Variants in DMD observed in about 807,000 individuals in gnomAD.
The protein encoded by DMD is dystrophin.
Under a neutral mutation model 330.1 loss-of-function variants are expected in DMD, and 63 were observed. That is an observed-to-expected ratio of 0.19 (90% confidence interval 0.16 to 0.24). DMD has a LOEUF of 0.24. Among genes scored for constraint, DMD ranks in the 10% least tolerant of loss-of-function variants. DMD has a pLI of 1.00. For synonymous variants in DMD, 1,223 were observed against 959.8 expected (o/e 1.27, Z -5.07); for missense variants, 3,344 against 2,684.1 (o/e 1.25, Z -5.43).
At chrX:32,232,857 T>A (rs189818015) in intron 43 of DMD, among the ~76,000 whole-genome samples, 2 of 111,671 alleles carry the variant, frequency 1.8e-5, no homozygotes, top group Non-Finnish European at 3.8e-5. Flanking sequence ...CAAGTAAATA[T>A]AGCTGCCGTA....
chrX:32,368,546 G>A (rs1255777011), intron 34 of DMD, among the ~76,000 whole-genome samples: 5 of 111,582 alleles, frequency 4.5e-5, no homozygotes, highest in Admixed American at 9.6e-5. Flanking sequence ...GGTTGTTGAC[G>A]AACCATTTTC....
chrX:32,053,365 T>A (rs1207900841), intron 44 of DMD, among the ~76,000 whole-genome samples: 2 of 50,974 alleles, frequency 3.9e-5, no homozygotes, highest in Non-Finnish European at 6.5e-5. Flanking sequence ...TTTCCTATAC[T>A]TCTTTTTATC....
intron 1 of DMD, among the ~76,000 whole-genome samples, chrX:33,158,974 A>G (rs1268401648): frequency 8.9e-6 from 1 of 111,838 alleles, no homozygotes; most frequent in Non-Finnish European, 1.9e-5. Flanking sequence ...CAATATTTTT[A>G]AACACCGAAG....
Position 32,468,621 on chromosome X carries a change from T to G in DMD, c.3039A>C (p.Glu1013Asp). Reference protein sequence around the residue: ...VKEMSKKAPSEISRKYQSEFE... With the variant: ...VKEMSKKAPSDISRKYQSEFE... Reference sequence around the variant, plus strand: ...ATTCTGATTGATATTTCCGGCTAATTTCAGAGGGCGCTTTCTTCGACATCT... The same window carrying G: ...ATTCTGATTGATATTTCCGGCTAATGTCAGAGGGCGCTTTCTTCGACATCT... Residue 1013 changes from glutamate to aspartate, a missense_variant, in exon 23 of 79, where the codon GAA (glutamate) becomes GAC (aspartate). Coordinates refer to ENST00000357033, the MANE Select transcript of DMD (RefSeq NM_004006.3). 1.7e-6 allele frequency: 2 copies of G among 1,211,197 alleles called. No homozygotes were observed. The highest frequency in any genetic ancestry group is 2.2e-6 in the Non-Finnish European group (2 of 895,230).
rs6151283 is a variant in DMD at position 32,831,649 on chromosome X, CGTGTGTGTGTGT to C, written c.265-8274_265-8263del. On this transcript the variant is annotated intron_variant, in intron 4 of 78. Transcript: ENST00000357033. The stretch of plus-strand genomic sequence containing the variant: ...GAGTTACATTCCTGTAAGATATTTA[CGTGTGTGTGTGT>C]GTGTGTGTGTGTGTGTGTGTGTGTG... Among the ~76,000 whole-genome samples the C allele has an allele frequency of 8.3e-3, 741 of 89,753 alleles. 6 individuals are homozygous for C. The highest frequency in any genetic ancestry group is 0.018 in the Middle Eastern group (3 of 166). 77.9% of individuals were successfully genotyped at this position (89,753 alleles called of 115,157 possible).
chrX:32,658,023 A>T (rs1464428765), intron 9 of DMD, among the ~76,000 whole-genome samples: 2 of 111,816 alleles, frequency 1.8e-5, no homozygotes, highest in Non-Finnish European at 3.8e-5. Context: ...ATTATTTCAA[A>T]TTGACATATA....
intron 1 of DMD, among the ~76,000 whole-genome samples, chrX:33,187,308 C>A (rs1204688854): frequency 8.9e-6 from 1 of 112,264 alleles, no homozygotes; most frequent in South Asian, 3.7e-4. Flanking sequence ...ACATTTCTTG[C>A]CATTCAAGGG....
intron 44 of DMD, among the ~76,000 whole-genome samples, chrX:32,036,716 G>A (rs923853290): frequency 9.0e-5 from 10 of 111,663 alleles, no homozygotes; most frequent in African/African-American, 2.3e-4. Flanking sequence ...TGGTAATTGC[G>A]TTCAAAGACA....
In DMD at chrX:31,630,116, T is replaced by C. The variant is rs1409624914; in HGVS notation, c.8028-2254A>G. 2.7e-5 allele frequency among the ~76,000 whole-genome samples: 3 copies of C among 111,878 alleles called. No homozygotes were observed. In the Admixed American group the frequency reaches 2.9e-4, roughly 11 times the overall value. ...ACCCTCTGCTTCCAGAGAAAGTAAC[T>C]AGTAAATAACTTTCCAAGAGTTATT... On this transcript the variant is annotated intron_variant, in intron 54 of 78. Coordinates refer to ENST00000357033, the MANE Select transcript of DMD (RefSeq NM_004006.3).
chrX:32,732,122 C>A (rs1185501240), intron 7 of DMD, among the ~76,000 whole-genome samples: 1 of 111,474 alleles, frequency 9.0e-6, no homozygotes, highest in East Asian at 2.8e-4. Flanking sequence ...AATGCAGAAG[C>A]CTCAGGAGCC....
rs186611840 is a variant in DMD at position 31,449,216 on chromosome X, G to A, written c.8938-4589C>T. 3.0e-3 allele frequency among the ~76,000 whole-genome samples: 337 copies of A among 111,401 alleles called. 2 individuals are homozygous for A. The highest frequency in any genetic ancestry group is 0.011 in the African/African-American group (322 of 30,646). On this transcript the variant is annotated intron_variant, in intron 59 of 78. Transcript: ENST00000357033. ...TCTGCAGTGCCTGGCATAGCGTGCA[G>A]TGCCTGGTGTGCAATGAATAGTCAC... is the stretch of plus-strand genomic sequence containing the variant.
chrX:31,460,770 C>T (rs770152860), intron 59 of DMD, among the ~76,000 whole-genome samples: 1 of 111,244 alleles, frequency 9.0e-6, no homozygotes, highest in East Asian at 2.8e-4. Flanking sequence ...TTTGTCCAAA[C>T]GAGGTTTCAC....
chrX:32,396,220 T>A (rs749237496), intron 30 of DMD, among the ~76,000 whole-genome samples: 1 of 111,387 alleles, frequency 9.0e-6, no homozygotes, highest in Admixed American at 9.6e-5. Context: ...AGGCAAAGCA[T>A]TCCATGGAAT....
chrX:32,440,601 T>C (rs1267049869), intron 28 of DMD, among the ~76,000 whole-genome samples: 1 of 111,630 alleles, frequency 9.0e-6, no homozygotes, highest in Non-Finnish European at 1.9e-5. Flanking sequence ...AATGATTAAA[T>C]GTCAGAAGTT....
At chrX:33,088,709 C>T (rs938927934) in intron 1 of DMD, among the ~76,000 whole-genome samples, 1 of 111,092 alleles carries the variant, frequency 9.0e-6, no homozygotes, top group Non-Finnish European at 1.9e-5. Context: ...ATATTAATTA[C>T]CAGATGACAT....
intron 2 of DMD, among the ~76,000 whole-genome samples, chrX:32,925,289 A>T (rs1261736393): frequency 9.2e-6 from 1 of 108,321 alleles, no homozygotes; most frequent in East Asian, 2.9e-4. Context: ...GTAGATACTA[A>T]CGTTGTACTG....
At chrX:32,253,599 C>T (rs1225469566) in intron 43 of DMD, among the ~76,000 whole-genome samples, 1 of 105,353 alleles carries the variant, frequency 9.5e-6, no homozygotes, top group Non-Finnish European at 1.9e-5. Flanking sequence ...TTATTTATCT[C>T]TATATCAATC....
At chrX:32,348,134 A>T (rs182455270) in intron 38 of DMD, among the ~76,000 whole-genome samples, 2 of 111,286 alleles carry the variant, frequency 1.8e-5, no homozygotes, top group East Asian at 5.6e-4. Context: ...TTTTCCAATT[A>T]CATTTTGCCC....
intron 16 of DMD, among the ~76,000 whole-genome samples, chrX:32,546,683 G>C (rs1238514569): frequency 1.8e-5 from 2 of 111,369 alleles, no homozygotes; most frequent in African/African-American, 6.5e-5. Flanking sequence ...TAGGCTAAAA[G>C]GATACTAAGA....
Sources: gnomAD v4.1 joint callset for allele counts (sites outside exome capture counted in the v4.1 genomes callset) on GRCh38, gnomAD v4.1.1 for gene constraint, MANE v1.5 for transcripts, NCBI Gene and HGNC (gene_info 2026-07-23, HGNC 2026-07-21) for gene names.